MPZL1: variants seen among roughly 807,000 people sequenced by gnomAD.
MPZL1 encodes myelin protein zero like 1.
MPZL1 carries 16 observed loss-of-function variants against 29.3 expected under a neutral mutation model. The observed-to-expected ratio is 0.55, with a 90% CI of 0.37 to 0.83. MPZL1 has a LOEUF of 0.83. Ranked by LOEUF, MPZL1 falls within the 40% of genes least tolerant of loss-of-function variation. MPZL1 has a pLI of 0.00. For synonymous variants in MPZL1, 143 were observed against 132.0 expected (o/e 1.08, Z -0.57); for missense variants, 279 against 332.9 (o/e 0.84, Z 1.26).
At chr1:167,739,310 C>CATACATACAT (rs68082264) in intron 1 of MPZL1, among the ~76,000 whole-genome samples, 41 of 101,358 alleles carry the variant, frequency 4.0e-4, no homozygotes, top group Admixed American at 1.1e-3. Context: ...TATATATATA[C>CATACATACAT]ACATATATAT....
At chr1:167,778,523 AGGAT>A (rs10666527) in intron 5 of MPZL1, among the ~76,000 whole-genome samples, 3,964 of 147,322 alleles carry the variant, frequency 0.027, 83 homozygotes, top group African/African-American at 0.038. Flanking sequence ...GAAGGAAGGA[AGGAT>A]GGATGGATGG....
chr1:167,729,623 A>G (rs1660223192), intron 1 of MPZL1, among the ~76,000 whole-genome samples: 1 of 152,218 alleles, frequency 6.6e-6, no homozygotes, highest in Non-Finnish European at 1.5e-5. Flanking sequence ...CAAATATTTG[A>G]AATCTCCTAG....
rs1469049166 is a variant in MPZL1 at position 167,772,233 on chromosome 1, G to C, written c.259-42G>C. On this transcript the variant is annotated intron_variant, in intron 2 of 5. Transcript: ENST00000359523. ...GCACATTACAGAGTTTAGGAATTCT[G>C]CCTTTGAGAATAGTTCATGTGTTCC... 3.3e-6 allele frequency: 5 copies of C among 1,499,414 alleles called. No individual in the cohort carries two copies. In the Admixed American group the frequency reaches 8.7e-5, roughly 26 times the overall value. 92.9% of individuals were successfully genotyped at this position (1,499,414 alleles called of 1,614,324 possible).
intron 1 of MPZL1, among the ~76,000 whole-genome samples, chr1:167,760,363 A>C (rs1368539948): frequency 3.9e-5 from 5 of 127,762 alleles, no homozygotes; most frequent in Non-Finnish European, 8.4e-5. Context: ...CCACCACACC[A>C]GCTAATTCTT....
At chr1:167,744,998 G>C (rs569503422) in intron 1 of MPZL1, among the ~76,000 whole-genome samples, 2 of 152,252 alleles carry the variant, frequency 1.3e-5, no homozygotes, top group South Asian at 4.1e-4. Flanking sequence ...GTACGAAAAG[G>C]GTTTATGACT....
rs554441851 is a variant in MPZL1 at position 167,790,815 on chromosome 1, A to G, written c.*2894A>G. 3 of 152,214 alleles carry G rather than the reference A, an allele frequency of 2.0e-5. No homozygotes were observed. Among genetic ancestry groups the G allele is most frequent in the South Asian group, 2.1e-4 (1 of 4,812 alleles). The allele number at this position is 152,214 out of a possible 1,614,324, so 9.4% of individuals were successfully genotyped here. ...TGAATATTTTAATACATCTTTTTCA[A>G]TTTCTGAATTGTGTTGTGTGCTCAT... On this transcript the variant is annotated 3_prime_UTR_variant, in exon 6 of 6. Coordinates refer to ENST00000359523, the MANE Select transcript of MPZL1 (RefSeq NM_003953.6).
chr1:167,746,344 G>A (rs1481906405), intron 1 of MPZL1, among the ~76,000 whole-genome samples: 1 of 151,762 alleles, frequency 6.6e-6, no homozygotes. Context: ...TGGTAACCTG[G>A]AGCCAGCCTT....
chr1:167,773,243 G>T lies in MPZL1; in HGVS notation c.480G>T (p.Leu160Phe). ...IRLYVVEKEN[L>F]PVFPVWVVVG... Reference sequence around the variant, plus strand: ...TTTGTTCTTTCTCTCTAGAGAATTTGCCTGTGTTTCCAGTTTGGGTAGTGG... The same window carrying T: ...TTTGTTCTTTCTCTCTAGAGAATTTTCCTGTGTTTCCAGTTTGGGTAGTGG... Residue 160 changes from leucine (L) to phenylalanine (F), a missense_variant, in exon 4 of 6, where the codon TTG (leucine) becomes TTT (phenylalanine). By Grantham distance (22) the Leu-to-Phe change is conservative (BLOSUM62 0). Transcript: ENST00000359523. 6.2e-7 allele frequency: 1 copy of T among 1,612,782 alleles called. No homozygotes were observed. Among genetic ancestry groups the T allele is most frequent in the Admixed American group, 1.7e-5 (1 of 59,892 alleles).
At chr1:167,776,353 G>A (rs1330990738) in intron 5 of MPZL1, among the ~76,000 whole-genome samples, 187 bp downstream of exon 5, 1 of 152,126 alleles carries the variant, frequency 6.6e-6, no homozygotes, top group East Asian at 1.9e-4. Context: ...GAAAATATGT[G>A]GTGAAGAATC....
chr1:167,743,783 T>C (rs959122394), intron 1 of MPZL1, among the ~76,000 whole-genome samples: 3 of 152,112 alleles, frequency 2.0e-5, no homozygotes, highest in African/African-American at 7.2e-5. Context: ...CTGAATTCTT[T>C]TATCAGTTCT....
At chr1:167,770,043 G>A (rs1371350354) in intron 2 of MPZL1, among the ~76,000 whole-genome samples, 2 of 152,190 alleles carry the variant, frequency 1.3e-5, no homozygotes, top group African/African-American at 2.4e-5. Flanking sequence ...GTAAGAGAGG[G>A]TGACAAGCTT....
At chr1:167,777,111 ATCTG>A (rs1301800320) in intron 5 of MPZL1, among the ~76,000 whole-genome samples, 1 of 152,180 alleles carries the variant, frequency 6.6e-6, no homozygotes, top group Non-Finnish European at 1.5e-5. Context: ...TTCCTGTTCT[ATCTG>A]TCTGTCTCTC....
At chr1:167,761,373 A>G (rs1349309922) in intron 1 of MPZL1, among the ~76,000 whole-genome samples, 6 of 152,232 alleles carry the variant, frequency 3.9e-5, no homozygotes, top group Admixed American at 2.6e-4. Flanking sequence ...GTCCTTAGGT[A>G]GGCAAGAGAT....
At chr1:167,729,131 G>A (rs758242603) in intron 1 of MPZL1, among the ~76,000 whole-genome samples, 8 of 151,888 alleles carry the variant, frequency 5.3e-5, no homozygotes, top group Admixed American at 3.3e-4. Flanking sequence ...TTAGCTGGGG[G>A]TGGTGGCGCA....
intron 1 of MPZL1, among the ~76,000 whole-genome samples, chr1:167,724,325 G>A (rs1028139128): frequency 1.4e-4 from 22 of 152,218 alleles, no homozygotes; most frequent in African/African-American, 5.3e-4. Flanking sequence ...AAGGGCACCA[G>A]CTTACAAAGG....
At position 167,788,135 on chromosome 1, in the gene MPZL1, A is replaced by G; in HGVS notation, c.*214A>G. On this transcript the variant is annotated 3_prime_UTR_variant, in exon 6 of 6. Transcript: ENST00000359523. ...GGAGCCAGTGTTGCATGATGAAAAG[A>G]TGGTATGATTCTACATATGTACCCA... 6.1e-6 allele frequency: 3 copies of G among 495,816 alleles called. 1 individual carries two copies. The South Asian group carries it at 9.4e-5, about 15-fold the overall frequency. The allele number at this position is 495,816 out of a possible 1,614,324, so 30.7% of individuals were successfully genotyped here.
chr1:167,722,279 T>C lies in MPZL1; in HGVS notation c.91+37T>C. ...CAGGACCAGGGCTGGGGCCGGGGAG[T>C]GGGGCCCCCGGGCCCGACACACGCC... On this transcript the variant is annotated intron_variant, in intron 1 of 5. Transcript: ENST00000359523. The C allele has an allele frequency of 2.4e-6, 3 of 1,232,966 alleles. No homozygotes were observed. In the East Asian group the frequency reaches 9.5e-5, roughly 39 times the overall value. The allele number at this position is 1,232,966 out of a possible 1,614,324, so 76.4% of individuals were successfully genotyped here.
intron 5 of MPZL1, among the ~76,000 whole-genome samples, chr1:167,787,457 C>A (rs1342046304): frequency 6.6e-6 from 1 of 152,258 alleles, no homozygotes; most frequent in Admixed American, 6.5e-5. Flanking sequence ...AAGTTCCCAT[C>A]TTAGTCCTTA....
chr1:167,764,276 C>G (rs765215624), intron 1 of MPZL1, among the ~76,000 whole-genome samples: 1 of 152,028 alleles, frequency 6.6e-6, no homozygotes, highest in African/African-American at 2.4e-5. Flanking sequence ...TTGGCAAATA[C>G]TTTTAACAGC....
Sources: gnomAD v4.1 joint callset for allele counts (sites outside exome capture counted in the v4.1 genomes callset) on GRCh38, gnomAD v4.1.1 for gene constraint, MANE v1.5 for transcripts, NCBI Gene and HGNC (gene_info 2026-07-23, HGNC 2026-07-21) for gene names.